Variants in BTD observed in about 807,000 individuals in gnomAD.
BTD encodes the protein biocytinase.
Under a neutral mutation model 17.7 loss-of-function variants are expected in BTD, and 13 were observed. The ratio of observed to expected loss-of-function variants is 0.74; its 90% CI spans 0.48 to 1.17. The LOEUF is 1.17. Ranked by LOEUF, BTD falls within the 50% of genes most tolerant of loss-of-function variation. BTD has a pLI of 0.00. For synonymous variants in BTD, 240 were observed against 245.2 expected (o/e 0.98, Z 0.20); for missense variants, 674 against 650.4 (o/e 1.04, Z -0.39).
At chr3:15,618,756 A>G (rs1054173467) in intron 1 of BTD, among the ~76,000 whole-genome samples, 4 of 151,868 alleles carry the variant, frequency 2.6e-5, no homozygotes, top group Admixed American at 2.6e-4. Flanking sequence ...CAATCTCCTG[A>G]CCTCGTGATC....
rs397514345 is a variant in BTD, at chr3:15,645,217, A to G, written c.1301A>G (p.Tyr434Cys). The change falls in exon 4 of 4, where the codon TAC becomes TGC. Residue 434 changes from tyrosine (Y) to cysteine (C), a missense_variant. Tyr to Cys is a radical substitution (Grantham distance 194). Coordinates refer to ENST00000643237, the MANE Select transcript of BTD (RefSeq NM_001370658.1). ...CTTCACACAGTACATGGCACTTACT[A>G]CATCCAAGTGTGTGCCCTGGTCAGG... ...DGLHTVHGTY[Y>C]IQVCALVRCG... 1.1e-4 allele frequency: 185 copies of G among 1,614,192 alleles called. 1 individual carries two copies. The South Asian group carries it at 1.7e-3, about 15-fold the overall frequency.
chr3:15,666,667 A>G (rs2065998993), intron 3 of BTD, among the ~76,000 whole-genome samples: 1 of 141,912 alleles, frequency 7.0e-6, no homozygotes, highest in African/African-American at 2.4e-5. Flanking sequence ...CGTGTTTCCA[A>G]TTAGCTCTCT....
At chr3:15,669,097 A>G (rs972080210) in intron 3 of BTD, 2 of 152,264 alleles carry the variant, frequency 1.3e-5, no homozygotes, top group Admixed American at 6.5e-5. Context: ...GGTTACAAAC[A>G]TGCTACTTTA....
intron 1 of BTD, among the ~76,000 whole-genome samples, chr3:15,617,854 G>A (rs1157204169): frequency 6.6e-6 from 1 of 152,138 alleles, no homozygotes; most frequent in Non-Finnish European, 1.5e-5. Flanking sequence ...GATTACTACA[G>A]TTTTATAATG....
chr3:15,635,415 A>G lies in BTD; in HGVS notation c.-16-9A>G. The G allele has an allele frequency of 6.2e-7, 1 of 1,614,210 alleles. No homozygotes were observed. The highest frequency in any genetic ancestry group is 8.5e-7 in the Non-Finnish European group (1 of 1,180,038). On this transcript the variant is annotated splice_polypyrimidine_tract_variant and intron_variant, in intron 1 of 3. Transcript: ENST00000643237. The surrounding 1 kb of genome is among the most constrained non-coding windows in gnomAD (Gnocchi z 4.1). ...TCAGCTGTTTTCCCCTTGCCCCATT[A>G]CATTCCAGATTTGTGGTCTGCATTA...
intron 3 of BTD, among the ~76,000 whole-genome samples, chr3:15,674,135 GTACTC>G (rs936104121): frequency 1.7e-5 from 2 of 115,474 alleles, no homozygotes; most frequent in African/African-American, 6.7e-5. Context: ...TCTCACCACT[GTACTC>G]TAGTCTGGGC....
At chr3:15,712,738 T>C (rs1349308305) in exon 4 of BTD, among the ~76,000 whole-genome samples, 2 of 152,196 alleles carry the variant, frequency 1.3e-5, no homozygotes, top group African/African-American at 4.8e-5. Context: ...AGAATGAATA[T>C]ATTGTGAAAT....
intron 3 of BTD, chr3:15,670,658 AT>A: frequency 8.6e-7 from 1 of 1,165,150 alleles, no homozygotes; most frequent in African/African-American, 1.6e-5. Context: ...CATATTTTAC[AT>A]TACTTAGCTT....
At chr3:15,631,766 T>C (rs1053554691) in intron 1 of BTD, among the ~76,000 whole-genome samples, 1 of 152,192 alleles carries the variant, frequency 6.6e-6, no homozygotes, top group African/African-American at 2.4e-5. Flanking sequence ...ATGCTTTCTA[T>C]TGGCTTATTG....
At chr3:15,609,845 G>GT (rs1208281989) in intron 1 of BTD, among the ~76,000 whole-genome samples, 3 of 150,434 alleles carry the variant, frequency 2.0e-5, no homozygotes, top group Non-Finnish European at 3.0e-5. Context: ...GGTATAAAGG[G>GT]TTTTTTTATA....
intron 1 of BTD, among the ~76,000 whole-genome samples, chr3:15,604,430 C>T (rs1453548711): frequency 6.6e-6 from 1 of 152,212 alleles, no homozygotes; most frequent in African/African-American, 2.4e-5. Context: ...AGCAGGGGGA[C>T]CCTGGACCTG....
chr3:15,673,231 A>G (rs2066563788), intron 3 of BTD, among the ~76,000 whole-genome samples: 2 of 152,230 alleles, frequency 1.3e-5, no homozygotes, highest in African/African-American at 4.8e-5. Context: ...GTACTCTCAT[A>G]GCATTCTATG....
At chr3:15,619,869 C>G (rs1021581272) in intron 1 of BTD, among the ~76,000 whole-genome samples, 4 of 152,214 alleles carry the variant, frequency 2.6e-5, no homozygotes, top group African/African-American at 9.7e-5. Flanking sequence ...ACCATGATGC[C>G]TGCCTGAGTC....
intron 3 of BTD, among the ~76,000 whole-genome samples, chr3:15,663,146 C>G (rs938316340): frequency 2.0e-5 from 3 of 152,108 alleles, no homozygotes; most frequent in Admixed American, 1.3e-4. Context: ...TATAGGCATG[C>G]GCCGCCATGC....
chr3:15,695,259 C>CAG lies in BTD; in HGVS notation c.400-14800_400-14799insGA, dbSNP rs552091024. On this transcript the variant is annotated intron_variant, in intron 3 of 3. Coordinates refer to the BTD transcript ENST00000672141. Reference sequence around the variant, plus strand: ...AAAAATATTTAGCTTGGGAAGTATTCATCTATATTAAGTCTCAACTTATAT... The same window carrying CAG: ...AAAAATATTTAGCTTGGGAAGTATTCAGATCTATATTAAGTCTCAACTTATAT... The CAG allele has an allele frequency of 2.3e-5, 32 of 1,400,798 alleles. No homozygotes were observed. In the East Asian group the frequency reaches 2.4e-4, roughly 11 times the overall value. 86.8% of individuals were successfully genotyped at this position (1,400,798 alleles called of 1,614,324 possible). A position where few individuals can be genotyped will look rare whatever the true frequency, so the allele number is the denominator to read the frequency against.
chr3:15,662,600 C>T (rs1201812037), intron 3 of BTD, among the ~76,000 whole-genome samples: 2 of 151,952 alleles, frequency 1.3e-5, no homozygotes, highest in Non-Finnish European at 2.9e-5. Flanking sequence ...CTTTTCTTGT[C>T]TTATATTGCA....
intron 3 of BTD, among the ~76,000 whole-genome samples, chr3:15,665,092 T>G (rs573225076): frequency 1.0e-3 from 152 of 152,220 alleles, no homozygotes; most frequent in African/African-American, 3.4e-3. Context: ...CTAATTAAGA[T>G]AGTAGACAAG....
chr3:15,635,830 G>A lies in BTD; in HGVS notation c.249+142G>A. The A allele has an allele frequency of 8.3e-7, 1 of 1,199,208 alleles. No homozygotes were observed. Among genetic ancestry groups the A allele is most frequent in the Non-Finnish European group, 1.2e-6 (1 of 831,434 alleles). The allele number at this position is 1,199,208 out of a possible 1,614,324, so 74.3% of individuals were successfully genotyped here. A position where few individuals can be genotyped will look rare whatever the true frequency, so the allele number is the denominator to read the frequency against. ...TAGTTAACCTGAGTTGAGTTAGTCA[G>A]TTGAATTAGGAGCCTTACCCCTCAG... is the stretch of plus-strand genomic sequence containing the variant. On this transcript the variant is annotated intron_variant, in intron 2 of 3. Coordinates refer to ENST00000643237, the MANE Select transcript of BTD (RefSeq NM_001370658.1). This position sits in a 1 kb window ranked among gnomAD's most constrained non-coding sequence, Gnocchi z 4.1.
At chr3:15,615,409 A>G (rs1574983287) in intron 1 of BTD, among the ~76,000 whole-genome samples, 1 of 152,306 alleles carries the variant, frequency 6.6e-6, no homozygotes, top group East Asian at 1.9e-4. Context: ...CCATCCTTTC[A>G]ATAAAGGAAT....
Sources: allele counts gnomAD v4.1 joint callset (sites outside exome capture counted in the v4.1 genomes callset), GRCh38; gene constraint gnomAD v4.1.1; non-coding constraint Gnocchi (gnomAD v3.1); transcripts MANE v1.5; gene names NCBI Gene and HGNC (gene_info 2026-07-23, HGNC 2026-07-21).